CCDC102B: variants seen among roughly 807,000 people sequenced by gnomAD.
The protein encoded by CCDC102B is coiled-coil domain-containing protein 102B.
CCDC102B carries 75 observed loss-of-function variants against 57.4 expected under a neutral mutation model. The ratio of observed to expected loss-of-function variants is 1.31; its 90% CI spans 1.08 to 1.58. The LOEUF (loss-of-function observed/expected upper bound fraction) is 1.58, where lower values mean the gene tolerates loss of function less well. Ranked by LOEUF, CCDC102B falls within the 40% of genes most tolerant of loss-of-function variation. The pLI, the probability that CCDC102B is intolerant of heterozygous loss-of-function variation, is 0.00. For synonymous variants in CCDC102B, 206 were observed against 201.9 expected (o/e 1.02, Z -0.17); for missense variants, 636 against 582.6 (o/e 1.09, Z -0.94).
chr18:68,890,562 G>A (rs2040038296), intron 5 of CCDC102B, among the ~76,000 whole-genome samples: 1 of 152,170 alleles, frequency 6.6e-6, no homozygotes, highest in Non-Finnish European at 1.5e-5. Flanking sequence ...AAACGCACAA[G>A]CAACTGTATA....
chr18:68,948,227 G>A (rs1004903160), intron 6 of CCDC102B, among the ~76,000 whole-genome samples: 3 of 151,986 alleles, frequency 2.0e-5, no homozygotes, highest in Non-Finnish European at 4.4e-5. Context: ...AAATAAATTA[G>A]AATTACAGTT....
chr18:68,839,466 T>C (rs2037528253), intron 3 of CCDC102B, among the ~76,000 whole-genome samples: 1 of 152,242 alleles, frequency 6.6e-6, no homozygotes, highest in Admixed American at 6.5e-5. Flanking sequence ...GCTGTAGTGC[T>C]GTTATGTTCC....
At chr18:68,734,540 T>G (rs1382032160) in intron 2 of CCDC102B, among the ~76,000 whole-genome samples, 4 of 152,218 alleles carry the variant, frequency 2.6e-5, no homozygotes, top group Admixed American at 2.6e-4. Context: ...CCAAAGATTT[T>G]ATGTGCAGTG....
intron 2 of CCDC102B, among the ~76,000 whole-genome samples, chr18:68,750,747 A>G (rs2033813306): frequency 6.8e-6 from 1 of 146,966 alleles, no homozygotes; most frequent in African/African-American, 2.5e-5. Context: ...GGAATTGAAC[A>G]ATGAGAACAC....
intron 6 of CCDC102B, among the ~76,000 whole-genome samples, chr18:68,989,411 T>C (rs1599802836): frequency 6.6e-6 from 1 of 152,366 alleles, no homozygotes; most frequent in East Asian, 1.9e-4. Context: ...TGATTGGACA[T>C]GTTGCAAATG....
chr18:68,839,279 T>C (rs1170339220), intron 3 of CCDC102B, among the ~76,000 whole-genome samples: 1 of 152,192 alleles, frequency 6.6e-6, no homozygotes, highest in Admixed American at 6.5e-5. Context: ...AATGAATAAA[T>C]ATGTTAATAT....
intron 2 of CCDC102B, among the ~76,000 whole-genome samples, chr18:68,717,827 TAAATGTGTAACCC>T (rs1158077778): frequency 6.6e-6 from 1 of 152,226 alleles, no homozygotes; most frequent in Non-Finnish European, 1.5e-5. Context: ...TGCTGTAGTC[TAAATGTGTAACCC>T]AAATTTCATA....
chr18:68,856,864 GT>G (rs1178932017), intron 4 of CCDC102B, among the ~76,000 whole-genome samples: 2 of 149,606 alleles, frequency 1.3e-5, no homozygotes, highest in African/African-American at 2.5e-5. Context: ...CTTTATATGT[GT>G]TTTTTATATA....
intron 7 of CCDC102B, among the ~76,000 whole-genome samples, chr18:69,015,128 G>A (rs960725526): frequency 2.0e-5 from 3 of 152,150 alleles, no homozygotes; most frequent in African/African-American, 7.2e-5. Flanking sequence ...AATGCGTGCC[G>A]TTTTCCAAAA....
intron 1 of CCDC102B, among the ~76,000 whole-genome samples, chr18:68,810,680 GTTTTTT>G (rs61714863): frequency 0.012 from 960 of 77,048 alleles, 4 homozygotes; most frequent in Middle Eastern, 0.034. Flanking sequence ...TCTTTTCTTT[GTTTTTT>G]TTTTTTTTTT....
At chr18:68,959,125 T>C (rs1301260574) in intron 6 of CCDC102B, among the ~76,000 whole-genome samples, 1 of 152,172 alleles carries the variant, frequency 6.6e-6, no homozygotes, top group Non-Finnish European at 1.5e-5. Context: ...TGTACTTTTT[T>C]TGTACCCATC....
chr18:68,853,434 A>G (rs1235281296), intron 4 of CCDC102B, among the ~76,000 whole-genome samples: 5 of 151,990 alleles, frequency 3.3e-5, no homozygotes, highest in Admixed American at 3.3e-4. Context: ...ATCTATGAAA[A>G]ATGATATTAC....
At chr18:69,050,103 A>G (rs1045289669) in intron 7 of CCDC102B, among the ~76,000 whole-genome samples, 1 of 152,132 alleles carries the variant, frequency 6.6e-6, no homozygotes, top group East Asian at 1.9e-4. Context: ...GCCACTGCGC[A>G]CGGCCTTAAA....
chr18:68,775,873 C>T (rs538248526), intron 2 of CCDC102B, among the ~76,000 whole-genome samples: 1 of 152,046 alleles, frequency 6.6e-6, no homozygotes, highest in African/African-American at 2.4e-5. Flanking sequence ...AGGATGGTCT[C>T]AATCTCCTGA....
At chr18:69,029,043 G>T (rs1013246069) in intron 7 of CCDC102B, among the ~76,000 whole-genome samples, 1 of 152,088 alleles carries the variant, frequency 6.6e-6, no homozygotes, top group Non-Finnish European at 1.5e-5. Flanking sequence ...TCACTATATA[G>T]CTGCATAAAG....
intron 2 of CCDC102B, among the ~76,000 whole-genome samples, chr18:68,792,014 C>T (rs1322002337): frequency 6.6e-6 from 1 of 152,146 alleles, no homozygotes. Context: ...AGGACAGCCT[C>T]ACATAACAAA....
intron 5 of CCDC102B, among the ~76,000 whole-genome samples, chr18:68,879,233 C>A (rs1009116840): frequency 6.6e-6 from 1 of 151,810 alleles, no homozygotes; most frequent in South Asian, 2.1e-4. Flanking sequence ...CTCTTGGTCT[C>A]GCTGGCTTCA....
chr18:68,857,289 TATA>T (rs2038495052), intron 4 of CCDC102B, among the ~76,000 whole-genome samples: 3 of 18,014 alleles, frequency 1.7e-4, no homozygotes, highest in African/African-American at 6.1e-4. Context: ...TATATATTTA[TATA>T]TTATATATAT....
chr18:68,896,272 C>T (rs2040238502), intron 5 of CCDC102B, among the ~76,000 whole-genome samples: 1 of 152,020 alleles, frequency 6.6e-6, no homozygotes, highest in South Asian at 2.1e-4. Flanking sequence ...AAAATAAATA[C>T]ATTTGATATT....
Sources: allele counts gnomAD v4.1 joint callset (sites outside exome capture counted in the v4.1 genomes callset), GRCh38; gene constraint gnomAD v4.1.1; transcripts MANE v1.5; gene names NCBI Gene and HGNC (gene_info 2026-07-23, HGNC 2026-07-21).